Variants in MCTP2 observed in about 807,000 individuals in gnomAD.
MCTP2 encodes multiple C2 and transmembrane domain containing 2, also known as multiple C2 and transmembrane domain-containing protein 2.
MCTP2 carries 132 observed loss-of-function variants against 111.6 expected under a neutral mutation model. The observed-to-expected ratio is 1.18, with a 90% CI of 1.03 to 1.37. The LOEUF (loss-of-function observed/expected upper bound fraction) is 1.37, where lower values mean the gene tolerates loss of function less well. Ranked by LOEUF, MCTP2 falls within the 40% of genes most tolerant of loss-of-function variation. The pLI is 0.00. For missense variants in MCTP2, 1,183 were observed against 1,067.9 expected (o/e 1.11, Z -1.50); for synonymous variants, 395 against 387.7 (o/e 1.02, Z -0.22).
intron 20 of MCTP2, among the ~76,000 whole-genome samples, chr15:94,467,115 G>A (rs2073409748): frequency 6.6e-6 from 1 of 152,140 alleles, no homozygotes; most frequent in Non-Finnish European, 1.5e-5. Context: ...ACTCTGTAAA[G>A]TAGATGCAGT....
chr15:94,302,369 A>G (rs180918021), intron 2 of MCTP2, among the ~76,000 whole-genome samples: 140 of 152,328 alleles, frequency 9.2e-4, no homozygotes, highest in Middle Eastern at 3.4e-3. Context: ...ATCAGCAAAG[A>G]AAGTGAAATG....
At chr15:94,335,751 CAGTT>C (rs774564208) in intron 4 of MCTP2, among the ~76,000 whole-genome samples, 3 of 152,142 alleles carry the variant, frequency 2.0e-5, no homozygotes, top group Non-Finnish European at 4.4e-5. Context: ...AAAATATATT[CAGTT>C]AGTTTTTTAA....
At chr15:94,365,054 T>C (rs2079115986) in intron 10 of MCTP2, among the ~76,000 whole-genome samples, 1 of 152,216 alleles carries the variant, frequency 6.6e-6, no homozygotes, top group Non-Finnish European at 1.5e-5. Context: ...TAGCTTTAAA[T>C]TAATTCTGAA....
At chr15:94,245,552 A>G (rs1185852512) in intron 1 of MCTP2, among the ~76,000 whole-genome samples, 7 of 143,336 alleles carry the variant, frequency 4.9e-5, no homozygotes, top group Non-Finnish European at 9.1e-5. Flanking sequence ...ATATATTTAT[A>G]TATGTATACA....
intron 12 of MCTP2, among the ~76,000 whole-genome samples, chr15:94,382,419 T>C (rs2080191574): frequency 6.6e-6 from 1 of 152,260 alleles, no homozygotes; most frequent in Non-Finnish European, 1.5e-5. Context: ...TGTGGCTTGA[T>C]CATTGTCTAC....
rs1232780550 is a variant in MCTP2, at chr15:94,480,662, CAT to C, written c.*1630_*1631del. The C allele has an allele frequency of 3.9e-5, 6 of 152,208 alleles. No homozygotes were observed. The highest frequency in any genetic ancestry group is 8.8e-5 in the Non-Finnish European group (6 of 68,022). 9.4% of individuals were successfully genotyped at this position (152,208 alleles called of 1,614,324 possible). A position where few individuals can be genotyped will look rare whatever the true frequency, so the allele number is the denominator to read the frequency against. On this transcript the variant is annotated 3_prime_UTR_variant, in exon 23 of 23. Coordinates refer to ENST00000357742, the MANE Select transcript of MCTP2 (RefSeq NM_001385001.1). ...TGCTTCTAACTATCATCTAGTTTAT[CAT>C]AGTCTGTCATTTTGTAACGACCTAA...
At chr15:94,413,907 A>G (rs112907171) in intron 17 of MCTP2, among the ~76,000 whole-genome samples, 7 of 152,222 alleles carry the variant, frequency 4.6e-5, no homozygotes, top group African/African-American at 1.4e-4. Context: ...GAGTTTTTAA[A>G]TTGCTTTTTG....
intron 8 of MCTP2, 152 bp downstream of exon 8, chr15:94,345,316 C>T (rs1227110053): frequency 4.1e-6 from 3 of 734,566 alleles, no homozygotes; most frequent in African/African-American, 3.6e-5. Context: ...AACAACCTTC[C>T]TTTAAAAATT....
rs1567603403 is a variant in MCTP2 at position 94,390,109 on chromosome 15, T to TATATATATATGC, written c.1788+4588_1788+4589insATATATGCATAT. 6.6e-3 allele frequency among the ~76,000 whole-genome samples: 255 copies of TATATATATATGC among 38,696 alleles called. 9 individuals are homozygous for TATATATATATGC. Among genetic ancestry groups the TATATATATATGC allele is most frequent in the Middle Eastern group, 0.016 (1 of 62 alleles). 25.4% of individuals were successfully genotyped at this position (38,696 alleles called of 152,430 possible). On this transcript the variant is annotated intron_variant, in intron 14 of 22. Transcript: ENST00000357742. ...ATATATGTATATATATATATATATATATATGTATATATATATATATATACT... is the reference window on the plus strand; with the variant it reads ...ATATATGTATATATATATATATATATATATATATATGCATATGTATATATATATATATATACT...
At chr15:94,383,566 G>A (rs1047028923) in intron 12 of MCTP2, among the ~76,000 whole-genome samples, 5 of 152,198 alleles carry the variant, frequency 3.3e-5, no homozygotes, top group African/African-American at 9.7e-5. Flanking sequence ...GTAGCAGAAG[G>A]CGAGTCACGT....
At chr15:94,240,221 A>G (rs763400477) in intron 1 of MCTP2, among the ~76,000 whole-genome samples, 2 of 152,130 alleles carry the variant, frequency 1.3e-5, no homozygotes, top group Non-Finnish European at 1.5e-5. Flanking sequence ...TAGTCATGCT[A>G]ATCCTCTTAG....
intron 8 of MCTP2, among the ~76,000 whole-genome samples, chr15:94,352,536 AT>A (rs1456792024): frequency 3.3e-5 from 5 of 152,180 alleles, no homozygotes; most frequent in Non-Finnish European, 5.9e-5. Flanking sequence ...TATTGTATCC[AT>A]TATGTCTGCT....
At chr15:94,442,991 A>T (rs757854736) in intron 19 of MCTP2, 31 bp downstream of exon 19, 13 of 1,602,256 alleles carry the variant, frequency 8.1e-6, no homozygotes, top group South Asian at 3.3e-5. Context: ...ACACACACAA[A>T]AAAACACTAG....
intron 12 of MCTP2, among the ~76,000 whole-genome samples, chr15:94,373,870 T>C (rs918386479): frequency 5.3e-5 from 8 of 152,220 alleles, no homozygotes; most frequent in Non-Finnish European, 1.2e-4. Flanking sequence ...ATTACTTTTG[T>C]AGTAAACCAG....
At chr15:94,448,588 T>C (rs1304385105) in intron 19 of MCTP2, among the ~76,000 whole-genome samples, 1 of 152,224 alleles carries the variant, frequency 6.6e-6, no homozygotes, top group East Asian at 1.9e-4. Flanking sequence ...AAATTAGGAA[T>C]GATCAGCCAG....
intron 21 of MCTP2, among the ~76,000 whole-genome samples, chr15:94,472,547 A>T (rs892308606): frequency 2.0e-5 from 3 of 152,156 alleles, no homozygotes; most frequent in African/African-American, 7.2e-5. Context: ...CTACTTAATG[A>T]AATATTGTTC....
At position 94,481,757 on chromosome 15, in the gene MCTP2, A is replaced by G. The variant is rs1268421771; in HGVS notation, c.*2723A>G. ...GGCTTTGACCACTGTCCTCCACTGA[A>G]TAGCCCATTACAGCTAGCACCTAAT... On this transcript the variant is annotated 3_prime_UTR_variant, in exon 23 of 23. Transcript: ENST00000357742. The G allele has an allele frequency of 6.6e-6, 1 of 152,266 alleles. No individual in the cohort carries two copies. The highest frequency in any genetic ancestry group is 2.4e-5 in the African/African-American group (1 of 41,472). 9.4% of individuals were successfully genotyped at this position (152,266 alleles called of 1,614,324 possible).
At chr15:94,402,700 G>T in intron 17 of MCTP2, 1 of 1,464,760 alleles carries the variant, frequency 6.8e-7, no homozygotes. Context: ...TCTCTCATTT[G>T]TAAAGGGACT....
At chr15:94,468,959 G>A (rs1343017861) in intron 20 of MCTP2, among the ~76,000 whole-genome samples, 3 of 152,094 alleles carry the variant, frequency 2.0e-5, no homozygotes. Flanking sequence ...GATTACTGTA[G>A]TTCTCCTATA....
Sources: gnomAD v4.1 joint callset for allele counts (sites outside exome capture counted in the v4.1 genomes callset) on GRCh38, gnomAD v4.1.1 for gene constraint, MANE v1.5 for transcripts, NCBI Gene and HGNC (gene_info 2026-07-23, HGNC 2026-07-21) for gene names.